TLN1: variants seen among roughly 807,000 people sequenced by gnomAD.
TLN1 encodes the protein talin 1.
TLN1 carries 56 observed loss-of-function variants against 292.3 expected under a neutral mutation model. The observed-to-expected ratio is 0.19, with a 90% CI of 0.15 to 0.24. TLN1 has a LOEUF of 0.24. Ranked by LOEUF, TLN1 falls within the 10% of genes least tolerant of loss-of-function variation. The probability of loss-of-function intolerance (pLI) is 1.00; values close to 1 mark genes in which losing one functional copy is unlikely to be tolerated. For synonymous variants in TLN1, 1,119 were observed against 1,253.7 expected, an observed-to-expected ratio of 0.89 and a Z score of 2.27; for missense variants, 2,433 against 3,248.2, an observed-to-expected ratio of 0.75 and a Z score of 6.10.
chr9:35,716,499 G>A lies in TLN1; in HGVS notation c.2516C>T (p.Ala839Val). 1 of 1,614,234 alleles carries A rather than the reference G, an allele frequency of 6.2e-7. No individual in the cohort carries two copies. Among genetic ancestry groups the A allele is most frequent in the Non-Finnish European group, 8.5e-7 (1 of 1,180,048 alleles). ...TTCCCCCTCAGCATCAGCCTTGATGGCATTGACCAGGTCAGATGTGGCTTG... is the reference window on the plus strand; with the variant it reads ...TTCCCCCTCAGCATCAGCCTTGATGACATTGACCAGGTCAGATGTGGCTTG... Reference protein sequence around the residue: ...LAQATSDLVNAIKADAEGESD... With the variant: ...LAQATSDLVNVIKADAEGESD... Residue 839 changes from alanine (A) to valine (V), a missense_variant, in exon 20 of 57, where the codon GCC becomes GTC. Around this residue, in one of 7 missense-constraint regions of TLN1, gnomAD observed 617 missense variants for 770.6 expected, o/e 0.80. Transcript: ENST00000314888.
intron 1 of TLN1, among the ~76,000 whole-genome samples, chr9:35,729,916 G>T (rs1374954153): frequency 1.3e-5 from 2 of 152,140 alleles, no homozygotes; most frequent in Non-Finnish European, 2.9e-5. Context: ...GGCAGATGGG[G>T]TTGGGTTAGT....
At chr9:35,722,489 C>G (rs1825894199) in intron 8 of TLN1, among the ~76,000 whole-genome samples, 1 of 152,214 alleles carries the variant, frequency 6.6e-6, no homozygotes, top group Non-Finnish European at 1.5e-5. Flanking sequence ...AGAAGGCCTT[C>G]TGGGCTGAGT....
chr9:35,711,172 C>G, intron 30 of TLN1, 83 bp downstream of exon 30: 1 of 1,610,330 alleles, frequency 6.2e-7, no homozygotes, highest in Non-Finnish European at 8.5e-7. Flanking sequence ...ATAACCATTC[C>G]TAAGCCAAGA....
At chr9:35,721,865 A>G (rs1587988837) in intron 9 of TLN1, 62 bp from the exon 10 acceptor site, 2 of 1,585,874 alleles carry the variant, frequency 1.3e-6, no homozygotes, top group East Asian at 4.5e-5. Context: ...GTGAATGATC[A>G]GATCAGCTTG....
At position 35,720,560 on chromosome 9, in the gene TLN1, G is replaced by T. The variant is rs1013276165; in HGVS notation, c.1207-51C>A. 6 of 1,564,152 alleles carry T rather than the reference G, an allele frequency of 3.8e-6. No homozygotes were observed. In the African/African-American group the frequency reaches 6.8e-5, roughly 18 times the overall value. ...GTTGGGATAGTTAAAGAAGAGGGAA[G>T]TGGAGAAAAGGCAGCCTCTTCTTTC... On this transcript the variant is annotated intron_variant, in intron 11 of 56. Coordinates refer to ENST00000314888, the MANE Select transcript of TLN1 (RefSeq NM_006289.4).
chr9:35,700,969 A>T (rs753792994), intron 48 of TLN1, among the ~76,000 whole-genome samples: 2 of 152,212 alleles, frequency 1.3e-5, no homozygotes, highest in Non-Finnish European at 2.9e-5. Context: ...TAAATAAACA[A>T]GCAGCAAAAC....
In TLN1 at chr9:35,714,245, G is replaced by C. The variant is rs928399394; in HGVS notation, c.3114C>G (p.Ala1038=). 2 of 1,609,168 alleles carry C rather than the reference G, an allele frequency of 1.2e-6. No homozygotes were observed. Among genetic ancestry groups the C allele is most frequent in the Non-Finnish European group, 8.5e-7 (1 of 1,176,710 alleles). The change falls in exon 24 of 57, where the codon GCC becomes GCG. Residue 1038 remains alanine (A), a synonymous_variant. Transcript: ENST00000314888. This position sits in a 1 kb window ranked among gnomAD's most constrained non-coding sequence, Gnocchi z 4.6. The part of the protein sequence containing the change: ...GTALAELRTA[A]QKAQEACGPL... ...CCAGAACCAGCTTCCATACCTTCTG[G>C]GCAGCCGTCCGGAGTTCAGCCAGCG...
chr9:35,713,016 C>T lies in TLN1; in HGVS notation c.3380G>A (p.Gly1127Glu). The change falls in exon 27 of 57, where the codon GGG becomes GAG. Residue 1127 changes from glycine (G) to glutamate (E), a missense_variant. By Grantham distance (98) the Gly-to-Glu change is moderately conservative. This residue lies in a region of TLN1 where 1,384 missense variants were observed against 1,699.6 expected (regional missense o/e 0.81). Coordinates refer to ENST00000314888, the MANE Select transcript of TLN1 (RefSeq NM_006289.4). Reference sequence around the variant, plus strand: ...AGCGGCCTGGGCCAGTGACCGCAGCCCACCTGCCACATCCCGAGCTGCAAT... The same window carrying T: ...AGCGGCCTGGGCCAGTGACCGCAGCTCACCTGCCACATCCCGAGCTGCAAT... The part of the protein sequence containing the change: ...AGIAARDVAG[G>E]LRSLAQAARG... 6.2e-7 allele frequency: 1 copy of T among 1,609,326 alleles called. No homozygotes were observed. The highest frequency in any genetic ancestry group is 8.5e-7 in the Non-Finnish European group (1 of 1,178,264).
Position 35,698,220 on chromosome 9 carries a change from A to G in TLN1, c.7372-48T>C. On this transcript the variant is annotated intron_variant, in intron 55 of 56. Coordinates refer to ENST00000314888, the MANE Select transcript of TLN1 (RefSeq NM_006289.4). This position sits in a 1 kb window ranked among gnomAD's most constrained non-coding sequence, Gnocchi z 5.3. ...AGGTTGAGAACTCAGGTACGGTCCC[A>G]GTTGAGACAGTACCTCAATTCTCTC... The G allele has an allele frequency of 2.5e-6, 4 of 1,611,384 alleles. No homozygotes were observed. The highest frequency in any genetic ancestry group is 3.4e-6 in the Non-Finnish European group (4 of 1,178,120).
Position 35,714,165 on chromosome 9 carries a change from G to A in TLN1, c.3120+74C>T, listed in dbSNP as rs2131895829. The A allele has an allele frequency of 2.5e-6, 4 of 1,600,850 alleles. No individual in the cohort carries two copies. The highest frequency in any genetic ancestry group is 3.4e-6 in the Non-Finnish European group (4 of 1,170,230). ...TGATTACACAATTATCTGCGTATTG[G>A]GTTATTCTGCACAGATTTCCTCTCA... On this transcript the variant is annotated intron_variant, in intron 24 of 56. Coordinates refer to ENST00000314888, the MANE Select transcript of TLN1 (RefSeq NM_006289.4). The surrounding 1 kb of genome is among the most constrained non-coding windows in gnomAD (Gnocchi z 4.6).
rs11541910 is a variant in TLN1 at position 35,700,199 on chromosome 9, C to A, written c.6652G>T (p.Ala2218Ser). ...GCCTCAAGGATTTCTACCTTGCAAG[C>A]CCGAAGCATATCTGCAATAGCACGG... ...SRRAIADMLR[A>S]CKEAAYHPEV... Residue 2218 changes from alanine (A) to serine (S), a missense_variant, in exon 49 of 57, where the codon GCT becomes TCT. By Grantham distance (99) the Ala-to-Ser change is moderately conservative (BLOSUM62 1). This residue lies in a region of TLN1 where 1,384 missense variants were observed against 1,699.6 expected (regional missense o/e 0.81). Transcript: ENST00000314888. 5.0e-6 allele frequency: 8 copies of A among 1,601,844 alleles called. No individual in the cohort carries two copies. The highest frequency in any genetic ancestry group is 2.2e-5 in the South Asian group (2 of 90,780).
chr9:35,703,452 GAA>G, intron 48 of TLN1, 106 bp downstream of exon 48: 1 of 1,079,360 alleles, frequency 9.3e-7, no homozygotes, highest in Admixed American at 1.8e-5. Flanking sequence ...AGATGAGAGA[GAA>G]GACTGTGTGT....
chr9:35,706,614 A>C lies in TLN1; in HGVS notation c.5089-63T>G. Reference sequence around the variant, plus strand: ...GCAATAGGACCCTCTGGCTACAAAGAACTGCTCTTCTGTCCATACCAAATA... The same window carrying C: ...GCAATAGGACCCTCTGGCTACAAAGCACTGCTCTTCTGTCCATACCAAATA... On this transcript the variant is annotated intron_variant, in intron 38 of 56. Transcript: ENST00000314888. This position sits in a 1 kb window ranked among gnomAD's most constrained non-coding sequence, Gnocchi z 4.2. 1 of 1,599,896 alleles carries C rather than the reference A, an allele frequency of 6.3e-7. No homozygotes were observed. Among genetic ancestry groups the C allele is most frequent in the Non-Finnish European group, 8.5e-7 (1 of 1,169,724 alleles).
In TLN1 at chr9:35,705,816, G is replaced by A. The variant is rs941257663; in HGVS notation, c.5547C>T (p.Ser1849=). The A allele has an allele frequency of 6.2e-7, 1 of 1,614,244 alleles. No individual in the cohort carries two copies. Among genetic ancestry groups the A allele is most frequent in the Non-Finnish European group, 8.5e-7 (1 of 1,180,054 alleles). Residue 1849 remains serine, a synonymous_variant, in exon 42 of 57, where the codon TCC becomes TCT. Coordinates refer to ENST00000314888, the MANE Select transcript of TLN1 (RefSeq NM_006289.4). ...DEGPMGEPEG[S]FVDYQTTMVR... ...CCATAGTTGTTTGGTAATCCACGAA[G>A]GAACCTTCTGGTTCACCCATTGGTC...
Position 35,697,520 on chromosome 9 carries a change from G to A in TLN1, c.*271C>T, listed in dbSNP as rs1038404524. ...GTGGGCTGGGGCCCCGGCAGATTCA[G>A]ATCGAGGTACAGCAGCGTTAATAAT... On this transcript the variant is annotated 3_prime_UTR_variant, in exon 57 of 57. Coordinates refer to ENST00000314888, the MANE Select transcript of TLN1 (RefSeq NM_006289.4). The A allele has an allele frequency of 4.0e-5, 18 of 446,838 alleles. No individual in the cohort carries two copies. Among genetic ancestry groups the A allele is most frequent in the African/African-American group, 9.9e-5 (5 of 50,564 alleles). The allele number at this position is 446,838 out of a possible 1,614,324, so 27.7% of individuals were successfully genotyped here.
At chr9:35,700,504 A>G in intron 48 of TLN1, 128 bp from the exon 49 acceptor site, 1 of 997,398 alleles carries the variant, frequency 1.0e-6, no homozygotes, top group South Asian at 2.3e-5. Context: ...GCAGTTGGTT[A>G]TTGTTTCTGA....
At position 35,697,757 on chromosome 9, in the gene TLN1, T is replaced by C. The variant is rs1400353284; in HGVS notation, c.*34A>G. 1.9e-6 allele frequency: 3 copies of C among 1,611,572 alleles called. No individual in the cohort carries two copies. The highest frequency in any genetic ancestry group is 2.5e-6 in the Non-Finnish European group (3 of 1,178,734). On this transcript the variant is annotated 3_prime_UTR_variant, in exon 57 of 57. Coordinates refer to ENST00000314888, the MANE Select transcript of TLN1 (RefSeq NM_006289.4). ...CTTTGGTAGTGGCACGCACAGTCTC[T>C]GGGCCGGGTCTGCATTAAATAGAAG...
chr9:35,702,013 A>T (rs1253676717), intron 48 of TLN1, among the ~76,000 whole-genome samples: 1 of 152,214 alleles, frequency 6.6e-6, no homozygotes, highest in Non-Finnish European at 1.5e-5. Context: ...GGAGAGTGGC[A>T]GGGACCAGAA....
rs771006138 is a variant in TLN1 at position 35,707,708 on chromosome 9, C to T, written c.4632+23G>A. On this transcript the variant is annotated intron_variant, in intron 35 of 56. Coordinates refer to ENST00000314888, the MANE Select transcript of TLN1 (RefSeq NM_006289.4). This position sits in a 1 kb window ranked among gnomAD's most constrained non-coding sequence, Gnocchi z 5.6. The stretch of plus-strand genomic sequence containing the variant: ...GAAGATAGGACAGGTCAGGGAGAGG[C>T]TGGGAATTCAAGCAATGGGAACCTT... 3 of 1,613,886 alleles carry T rather than the reference C, an allele frequency of 1.9e-6. No homozygotes were observed. Among genetic ancestry groups the T allele is most frequent in the South Asian group, 2.2e-5 (2 of 91,052 alleles).
Sources: allele counts gnomAD v4.1 joint callset (sites outside exome capture counted in the v4.1 genomes callset), GRCh38; gene constraint gnomAD v4.1.1; regional missense constraint gnomAD v4.1.1; non-coding constraint Gnocchi (gnomAD v3.1); transcripts MANE v1.5; gene names NCBI Gene and HGNC (gene_info 2026-07-23, HGNC 2026-07-21).